JADE2: variants seen among roughly 807,000 people sequenced by gnomAD.
JADE2 encodes the protein E3 ubiquitin-protein ligase Jade-2.
In JADE2, 13 loss-of-function variants were observed where a neutral mutation model predicts 85.7. The observed-to-expected ratio is 0.15, with a 90% confidence interval of 0.10 to 0.24. The LOEUF is 0.24. JADE2 is among the 10% of genes least tolerant of loss of function. JADE2 has a pLI of 1.00. For synonymous variants in JADE2, 440 were observed against 456.1 expected, an observed-to-expected ratio of 0.96 and a Z score of 0.45; for missense variants, 846 against 1,115.9, an observed-to-expected ratio of 0.76 and a Z score of 3.45.
chr5:134,553,600 C>T (rs1762737119), intron 4 of JADE2, among the ~76,000 whole-genome samples: 2 of 152,310 alleles, frequency 1.3e-5, no homozygotes, highest in Admixed American at 6.5e-5. Flanking sequence ...GATCCGCCCT[C>T]CTCGGCCTCC....
Position 134,554,267 on chromosome 5 carries a change from T to C in JADE2, c.311+2058T>C, listed in dbSNP as rs564281746. Among the ~76,000 whole-genome samples, 547 of 152,272 alleles carry C rather than the reference T, an allele frequency of 3.6e-3. 3 individuals carry two copies. Among genetic ancestry groups the C allele is most frequent in the Non-Finnish European group, 6.0e-3 (408 of 68,026 alleles). The stretch of plus-strand genomic sequence containing the variant: ...TGACTCCTGATGGCTGAGTGTTTAT[T>C]AATACTTGTCTGGGGTCTTCGGAGA... On this transcript the variant is annotated intron_variant, in intron 4 of 11. Transcript: ENST00000681547.
In JADE2 at chr5:134,560,992, A is replaced by G. The variant is rs746748952; in HGVS notation, c.684+35A>G. On this transcript the variant is annotated intron_variant, in intron 6 of 11. Transcript: ENST00000681547. ...CCCCCCAGTCACCCTCACCTGTGCC[A>G]TGTATACACACGCTGCCTGGCAGCG... 8 of 1,578,408 alleles carry G rather than the reference A, an allele frequency of 5.1e-6. No individual in the cohort carries two copies. The South Asian group carries it at 6.8e-5, about 13-fold the overall frequency.
At chr5:134,534,316 G>A (rs548127154) in intron 1 of JADE2, among the ~76,000 whole-genome samples, 46 of 152,124 alleles carry the variant, frequency 3.0e-4, no homozygotes, top group African/African-American at 9.6e-4. Context: ...TACTGTGAGC[G>A]CTTAGCAGTC....
At position 134,564,503 on chromosome 5, in the gene JADE2, G is replaced by C. The variant is rs759759388; in HGVS notation, c.862G>C (p.Gly288Arg). Residue 288 changes from glycine (G) to arginine (R), a missense_variant, in exon 8 of 12, where the codon GGC becomes CGC. Physicochemically the swap from Gly to Arg is moderately radical, Grantham distance 125 (BLOSUM62 -2). Around this residue, in one of 9 missense-constraint regions of JADE2, gnomAD observed 129 missense variants for 255.4 expected, o/e 0.51. Coordinates refer to ENST00000681547, the MANE Select transcript of JADE2 (RefSeq NM_001388185.1). ...CALWIPEVSIGCPEKMEPITK... is the reference protein window; with the variant it reads ...CALWIPEVSIRCPEKMEPITK... ...CCTGTGTCCTGCCCAGGTCAGCATC[G>C]GCTGCCCAGAGAAGATGGAGCCCAT... 6.3e-7 allele frequency: 1 copy of C among 1,590,012 alleles called. No individual in the cohort carries two copies. The highest frequency in any genetic ancestry group is 1.3e-5 in the African/African-American group (1 of 74,738).
chr5:134,539,186 C>G lies in JADE2; in HGVS notation c.153+1103C>G, dbSNP rs56832614. ...ACGCCATTCTCCTGCCTCAGCCTCCCGAGTGGCTGGGACTACAGGCGCCCG... is the reference window on the plus strand; with the variant it reads ...ACGCCATTCTCCTGCCTCAGCCTCCGGAGTGGCTGGGACTACAGGCGCCCG... On this transcript the variant is annotated intron_variant, in intron 3 of 11. Transcript: ENST00000681547. 7.2e-3 allele frequency among the ~76,000 whole-genome samples: 1,090 copies of G among 152,016 alleles called. 16 individuals are homozygous for G. Among genetic ancestry groups the G allele is most frequent in the African/African-American group, 0.023 (967 of 41,490 alleles).
chr5:134,543,671 T>C (rs922382519), intron 3 of JADE2, among the ~76,000 whole-genome samples: 1 of 152,104 alleles, frequency 6.6e-6, no homozygotes, highest in Non-Finnish European at 1.5e-5. Flanking sequence ...AGCAAGACTC[T>C]GTCTCAAAAA....
chr5:134,568,236 A>T (rs1763768656), intron 9 of JADE2, among the ~76,000 whole-genome samples: 1 of 152,218 alleles, frequency 6.6e-6, no homozygotes, highest in Non-Finnish European at 1.5e-5. Context: ...TGCTGAGCAG[A>T]TGAGGAAACT....
chr5:134,560,927 C>T lies in JADE2; in HGVS notation c.654C>T (p.Phe218=). ...GCGAGGATGGCAACGAGATGGTCTT[C>T]TGTGACAAGTGCAACGTCTGTGTGC... ...PEGEDGNEMV[F]CDKCNVCVHQ... Residue 218 remains phenylalanine, a synonymous_variant, in exon 6 of 12, where the codon TTC becomes TTT. Transcript: ENST00000681547. 1.2e-6 allele frequency: 2 copies of T among 1,614,102 alleles called. No homozygotes were observed. The highest frequency in any genetic ancestry group is 1.3e-5 in the African/African-American group (1 of 75,050).
chr5:134,545,923 T>C (rs1233507110), intron 3 of JADE2, among the ~76,000 whole-genome samples: 1 of 152,138 alleles, frequency 6.6e-6, no homozygotes, highest in Admixed American at 6.6e-5. Flanking sequence ...GGACTTTTGG[T>C]GTAGACAGAT....
At chr5:134,570,881 TC>T (rs1205247874) in intron 9 of JADE2, among the ~76,000 whole-genome samples, 4 of 152,126 alleles carry the variant, frequency 2.6e-5, no homozygotes, top group Non-Finnish European at 5.9e-5. Flanking sequence ...TGGCTGCCCC[TC>T]CCTTTTGAGC....
intron 11 of JADE2, among the ~76,000 whole-genome samples, chr5:134,577,607 C>T (rs182751958): frequency 6.6e-6 from 1 of 152,250 alleles, no homozygotes; most frequent in Non-Finnish European, 1.5e-5. Context: ...GGGAGGATCG[C>T]TTGAGCCCAG....
chr5:134,527,248 C>T (rs1461095651), intron 1 of JADE2, among the ~76,000 whole-genome samples: 1 of 151,894 alleles, frequency 6.6e-6, no homozygotes, highest in Non-Finnish European at 1.5e-5. Context: ...CCTGCGCCTG[C>T]GGAGCGGCGC....
chr5:134,526,238 C>T (rs1447031815), intron 1 of JADE2: 5 of 985,372 alleles, frequency 5.1e-6, no homozygotes, highest in Non-Finnish European at 6.0e-6. Flanking sequence ...TTAAAGAGTA[C>T]AGTGCGGGGA....
At chr5:134,560,278 C>T (rs182029232) in intron 5 of JADE2, among the ~76,000 whole-genome samples, 4 of 152,058 alleles carry the variant, frequency 2.6e-5, no homozygotes, top group Admixed American at 2.6e-4. Context: ...GCAGGGGAGG[C>T]TAGGATGGCA....
chr5:134,550,455 T>C (rs1364676671), intron 3 of JADE2, among the ~76,000 whole-genome samples: 2 of 152,230 alleles, frequency 1.3e-5, no homozygotes, highest in African/African-American at 4.8e-5. Flanking sequence ...CTGAGTGAAC[T>C]GACTTAGCAC....
At chr5:134,550,773 G>A (rs1762544046) in intron 3 of JADE2, among the ~76,000 whole-genome samples, 1 of 152,212 alleles carries the variant, frequency 6.6e-6, no homozygotes. Context: ...TTCTGAGGTG[G>A]AACTGGGGGT....
chr5:134,544,226 GC>G (rs1342314241), intron 3 of JADE2, among the ~76,000 whole-genome samples: 2 of 152,234 alleles, frequency 1.3e-5, no homozygotes, highest in Non-Finnish European at 2.9e-5. Flanking sequence ...ATCAAAATCA[GC>G]AAGTGCTTAA....
chr5:134,532,645 A>C (rs1761318105), intron 1 of JADE2, among the ~76,000 whole-genome samples: 1 of 152,176 alleles, frequency 6.6e-6, no homozygotes, highest in Non-Finnish European at 1.5e-5. Context: ...AGATGGGGGA[A>C]GCCAGTGGAA....
intron 8 of JADE2, 109 bp downstream of exon 8, chr5:134,564,719 A>G (rs1400668321): frequency 2.9e-6 from 2 of 678,352 alleles, no homozygotes; most frequent in East Asian, 5.9e-5. Flanking sequence ...CTGCAGACTG[A>G]TGGGCCCCAG....
Sources: gnomAD v4.1 joint callset for allele counts (sites outside exome capture counted in the v4.1 genomes callset) on GRCh38, gnomAD v4.1.1 for gene constraint, gnomAD v4.1.1 regional missense constraint, MANE v1.5 for transcripts, NCBI Gene and HGNC (gene_info 2026-07-23, HGNC 2026-07-21) for gene names.